Variants in RNF152 observed in about 807,000 individuals in gnomAD.
The protein encoded by RNF152 is E3 ubiquitin-protein ligase RNF152.
Under a neutral mutation model 12.7 loss-of-function variants are expected in RNF152, and 11 were observed. That is an observed-to-expected ratio of 0.86 (90% CI 0.54 to 1.43). The LOEUF (loss-of-function observed/expected upper bound fraction) is 1.43. Ranked by LOEUF, RNF152 falls within the 40% of genes most tolerant of loss-of-function variation. RNF152 has a pLI of 0.00. For synonymous variants in RNF152, 113 were observed against 120.3 expected (o/e 0.94, Z 0.40); for missense variants, 255 against 274.8 (o/e 0.93, Z 0.51).
At chr18:61,821,680 C>G (rs1030505567) in intron 1 of RNF152, among the ~76,000 whole-genome samples, 2 of 152,196 alleles carry the variant, frequency 1.3e-5, no homozygotes, top group African/African-American at 4.8e-5. Context: ...AGTCTACAAC[C>G]TGTAAGGAAC....
chr18:61,831,595 A>C (rs529437853), intron 1 of RNF152, among the ~76,000 whole-genome samples: 4 of 152,192 alleles, frequency 2.6e-5, no homozygotes, highest in African/African-American at 9.7e-5. Context: ...GACTACGCAC[A>C]AAGTATTTAA....
At chr18:61,873,010 A>T (rs1263565862) in intron 1 of RNF152, among the ~76,000 whole-genome samples, 1 of 152,214 alleles carries the variant, frequency 6.6e-6, no homozygotes, top group Admixed American at 6.5e-5. Context: ...AAAGATTAAT[A>T]TATTTTAATG....
intron 1 of RNF152, chr18:61,875,041 T>C (rs533163165): frequency 6.6e-6 from 1 of 152,382 alleles, no homozygotes; most frequent in South Asian, 2.1e-4. Context: ...CTGCAAGATG[T>C]TGGAGGCAGC....
chr18:61,876,739 C>T (rs550149852), intron 1 of RNF152, among the ~76,000 whole-genome samples: 1 of 152,136 alleles, frequency 6.6e-6, no homozygotes, highest in Non-Finnish European at 1.5e-5. Flanking sequence ...TTAATAGAAC[C>T]GTCTACTCTA....
intron 1 of RNF152, among the ~76,000 whole-genome samples, chr18:61,828,376 C>CGG (rs1264381846): frequency 1.1e-4 from 16 of 152,294 alleles, no homozygotes; most frequent in African/African-American, 3.9e-4. Flanking sequence ...CTTAGCCCCC[C>CGG]GAGTAGCTGG....
chr18:61,864,679 C>T (rs548176354), intron 1 of RNF152, among the ~76,000 whole-genome samples: 19 of 152,268 alleles, frequency 1.2e-4, no homozygotes, highest in Non-Finnish European at 2.2e-4. Flanking sequence ...GTTCCTCTGG[C>T]GACCAGCTGG....
In RNF152 at chr18:61,815,822, C is replaced by T. The variant is rs764986744; in HGVS notation, c.*30G>A. On this transcript the variant is annotated 3_prime_UTR_variant, in exon 2 of 2. Transcript: ENST00000312828. ...TCAACCTGCTCAACCCCTAAGTTGG[C>T]ACCCACAAGAGACTTCCCTGCAGCC... is the stretch of plus-strand genomic sequence containing the variant. 2 of 1,600,062 alleles carry T rather than the reference C, an allele frequency of 1.2e-6. No individual in the cohort carries two copies. Among genetic ancestry groups the T allele is most frequent in the East Asian group, 2.2e-5 (1 of 44,672 alleles).
intron 1 of RNF152, among the ~76,000 whole-genome samples, chr18:61,846,534 CT>C (rs1910751287): frequency 6.6e-6 from 1 of 152,200 alleles, no homozygotes; most frequent in Non-Finnish European, 1.5e-5. Context: ...TGGTCCCCAA[CT>C]CACAGATGCA....
At chr18:61,832,660 T>C (rs57741938) in intron 1 of RNF152, among the ~76,000 whole-genome samples, 6 of 152,138 alleles carry the variant, frequency 3.9e-5, no homozygotes, top group African/African-American at 1.4e-4. Flanking sequence ...ATTCTACCTG[T>C]GAACTAAAAA....
At chr18:61,878,330 T>G (rs1312748803) in intron 1 of RNF152, among the ~76,000 whole-genome samples, 1 of 152,138 alleles carries the variant, frequency 6.6e-6, no homozygotes, top group East Asian at 1.9e-4. Flanking sequence ...CTTCCCACAA[T>G]AAAGAATTAT....
rs999760046 is a variant in RNF152, at chr18:61,808,235, T to C, written c.*7617A>G. On this transcript the variant is annotated 3_prime_UTR_variant, in exon 2 of 2. Transcript: ENST00000312828. ...TCAGGACTGGCTAAGACACCATCTATAACAGAGAGAGCAAGCAAGAATGCT... is the reference window on the plus strand; with the variant it reads ...TCAGGACTGGCTAAGACACCATCTACAACAGAGAGAGCAAGCAAGAATGCT... 6.6e-6 allele frequency: 1 copy of C among 152,004 alleles called. No individual in the cohort carries two copies. The highest frequency in any genetic ancestry group is 2.4e-5 in the African/African-American group (1 of 41,394). 9.4% of individuals were successfully genotyped at this position (152,004 alleles called of 1,614,324 possible). A position where few individuals can be genotyped will look rare whatever the true frequency, so the allele number is the denominator to read the frequency against.
chr18:61,860,381 CG>C (rs1451072325), intron 1 of RNF152, among the ~76,000 whole-genome samples: 3 of 152,188 alleles, frequency 2.0e-5, no homozygotes, highest in African/African-American at 7.2e-5. Flanking sequence ...CACCACATAA[CG>C]TTTCGGTCAA....
rs757885992 is a variant in RNF152 at position 61,812,290 on chromosome 18, C to G, written c.*3562G>C. 1 of 152,172 alleles carries G rather than the reference C, an allele frequency of 6.6e-6. No homozygotes were observed. The highest frequency in any genetic ancestry group is 1.5e-5 in the Non-Finnish European group (1 of 68,036). The allele number at this position is 152,172 out of a possible 1,614,324, so 9.4% of individuals were successfully genotyped here. A position where few individuals can be genotyped will look rare whatever the true frequency, so the allele number is the denominator to read the frequency against. On this transcript the variant is annotated 3_prime_UTR_variant, in exon 2 of 2. Coordinates refer to ENST00000312828, the MANE Select transcript of RNF152 (RefSeq NM_173557.3). Reference sequence around the variant, plus strand: ...TCAATGTGCCTGGTGGCTACCGTACCAGACGGCACAGGTTTTCGAGCATTT... The same window carrying G: ...TCAATGTGCCTGGTGGCTACCGTACGAGACGGCACAGGTTTTCGAGCATTT...
At chr18:61,853,871 C>T (rs571595137) in intron 1 of RNF152, among the ~76,000 whole-genome samples, 1 of 152,262 alleles carries the variant, frequency 6.6e-6, no homozygotes, top group East Asian at 1.9e-4. Flanking sequence ...AGGATGAGGA[C>T]AAGGACTTCT....
At chr18:61,849,495 C>A in intron 1 of RNF152, among the ~76,000 whole-genome samples, 1 of 152,262 alleles carries the variant, frequency 6.6e-6, no homozygotes, top group Middle Eastern at 3.4e-3. Flanking sequence ...AACAGCCACA[C>A]GAAGGGGATT....
intron 1 of RNF152, chr18:61,888,403 T>C (rs1293633121): frequency 6.6e-6 from 1 of 152,206 alleles, no homozygotes; most frequent in African/African-American, 2.4e-5. Flanking sequence ...TTTTTTGACT[T>C]TACAATGGTG....
chr18:61,866,725 C>T (rs1031722438), intron 1 of RNF152, among the ~76,000 whole-genome samples: 2 of 152,244 alleles, frequency 1.3e-5, no homozygotes, highest in Admixed American at 1.3e-4. Flanking sequence ...TTCACTACTT[C>T]CTCCCAACAT....
chr18:61,889,842 C>G lies in RNF152; in HGVS notation c.-136+2953G>C, dbSNP rs571979638. On this transcript the variant is annotated intron_variant, in intron 1 of 1. Transcript: ENST00000312828. ...GGCGGTTCCAAACAAACTCAGGAAG[C>G]CTTAAACAAGAGGCAGATGGTGAGG... Among the ~76,000 whole-genome samples, 6 of 152,206 alleles carry G rather than the reference C, an allele frequency of 3.9e-5. No homozygotes were observed. The South Asian group carries it at 1.0e-3, about 26-fold the overall frequency.
At chr18:61,854,728 C>G (rs1226701991) in intron 1 of RNF152, among the ~76,000 whole-genome samples, 4 of 152,168 alleles carry the variant, frequency 2.6e-5, no homozygotes. Context: ...TTCACTAGCA[C>G]ATCAGGGAGA....
Sources: allele counts gnomAD v4.1 joint callset (sites outside exome capture counted in the v4.1 genomes callset), GRCh38; gene constraint gnomAD v4.1.1; transcripts MANE v1.5; gene names NCBI Gene and HGNC (gene_info 2026-07-23, HGNC 2026-07-21).